The following YY1AP1 variants were observed in gnomAD, a reference collection of about 807,000 sequenced individuals.
YY1AP1 encodes the protein YY1 associated protein 1.
A neutral mutation model predicts 39.9 loss-of-function variants in YY1AP1; 43 were observed. That is an observed-to-expected ratio of 1.08 (90% CI 0.84 to 1.39). The LOEUF (loss-of-function observed/expected upper bound fraction) is 1.39, where lower values mean the gene tolerates loss of function less well. Ranked by LOEUF, YY1AP1 falls within the 40% of genes most tolerant of loss-of-function variation. The probability of loss-of-function intolerance (pLI) is 0.00; values close to 1 mark genes in which losing one functional copy is unlikely to be tolerated. For missense variants in YY1AP1, 813 were observed against 900.7 expected (o/e 0.90, Z 1.25); for synonymous variants, 292 against 331.3 (o/e 0.88, Z 1.29).
intron 5 of YY1AP1, among the ~76,000 whole-genome samples, chr1:155,676,091 G>A (rs530369765): frequency 1.1e-3 from 167 of 152,176 alleles, no homozygotes; most frequent in Admixed American, 2.1e-3. Context: ...GTGTGGTGGC[G>A]AGTCCCTGTA....
Position 155,659,794 on chromosome 1 carries a change from C to T in YY1AP1, c.2116G>A (p.Glu706Lys). 1.2e-6 allele frequency: 2 copies of T among 1,614,164 alleles called. No individual in the cohort carries two copies. Among genetic ancestry groups the T allele is most frequent in the Non-Finnish European group, 1.7e-6 (2 of 1,179,976 alleles). ...SAYRWTVVKT[E>K]EGRQALEPLP... ...GGCTCCAGAGCTTGCCTTCCCTCCT[C>T]TGTTTTCACAACGGTCCAGCGATAG... The change falls in exon 11 of 11, where the codon GAG (glutamate) becomes AAG (lysine). Residue 706 changes from glutamate to lysine, a missense_variant. Physicochemically the swap from Glu to Lys is moderately conservative, Grantham distance 56 (BLOSUM62 1). Coordinates refer to ENST00000355499, the MANE Select transcript of YY1AP1 (RefSeq NM_139119.3).
In YY1AP1 at chr1:155,679,112, G is replaced by C. The variant is rs966689213; in HGVS notation, c.125+297C>G. On this transcript the variant is annotated intron_variant, in intron 4 of 10. Coordinates refer to ENST00000355499, the MANE Select transcript of YY1AP1 (RefSeq NM_139119.3). ...GATATTACAATATAGGGTAGTTTGT[G>C]TGGCTGGCCACATTGAGTCCTACAT... is the stretch of plus-strand genomic sequence containing the variant. 2.2e-5 allele frequency: 29 copies of C among 1,307,904 alleles called. No homozygotes were observed. The African/African-American group carries it at 3.9e-4, about 18-fold the overall frequency. 81.0% of individuals were successfully genotyped at this position (1,307,904 alleles called of 1,614,324 possible).
chr1:155,667,205 A>T (rs1465999503), intron 9 of YY1AP1, among the ~76,000 whole-genome samples: 5 of 151,998 alleles, frequency 3.3e-5, no homozygotes, highest in Non-Finnish European at 7.4e-5. Flanking sequence ...ACAAAAACAC[A>T]ATGAAACCAA....
intron 9 of YY1AP1, among the ~76,000 whole-genome samples, chr1:155,664,713 CAAAA>C (rs1648687481): frequency 6.7e-6 from 1 of 148,270 alleles, no homozygotes; most frequent in Non-Finnish European, 1.5e-5. Flanking sequence ...AAAAATAAAA[CAAAA>C]ACAAAAACGA....
At chr1:155,673,257 GC>G in intron 6 of YY1AP1, among the ~76,000 whole-genome samples, 1 of 151,962 alleles carries the variant, frequency 6.6e-6, no homozygotes, top group East Asian at 1.9e-4. Flanking sequence ...CTCACAATCC[GC>G]CTGCCTCGGC....
At chr1:155,668,983 C>A (rs1042204411) in intron 8 of YY1AP1, among the ~76,000 whole-genome samples, 4 of 152,190 alleles carry the variant, frequency 2.6e-5, no homozygotes, top group Non-Finnish European at 5.9e-5. Context: ...CCAGTCTCAG[C>A]CTCCCAAAGT....
At chr1:155,666,872 T>G (rs1649091324) in intron 9 of YY1AP1, among the ~76,000 whole-genome samples, 2 of 152,098 alleles carry the variant, frequency 1.3e-5, no homozygotes, top group African/African-American at 4.8e-5. Context: ...TGGTGGCGCA[T>G]GCCTGTAGTC....
At chr1:155,685,144 A>AT (rs1652040572) in intron 2 of YY1AP1, among the ~76,000 whole-genome samples, 1 of 152,246 alleles carries the variant, frequency 6.6e-6, no homozygotes, top group African/African-American at 2.4e-5. Flanking sequence ...GATACAAAAC[A>AT]TATTTTTTTA....
intron 10 of YY1AP1, 141 bp from the exon 11 acceptor site, chr1:155,661,054 A>ATGTG: frequency 6.7e-7 from 1 of 1,498,498 alleles, no homozygotes; most frequent in South Asian, 1.3e-5. Context: ...CAAAGACCAC[A>ATGTG]GTCCAATTAT....
chr1:155,670,342 G>A lies in YY1AP1; in HGVS notation c.706C>T (p.Leu236Phe). The A allele has an allele frequency of 1.2e-6, 2 of 1,612,510 alleles. No homozygotes were observed. The highest frequency in any genetic ancestry group is 1.7e-6 in the Non-Finnish European group (2 of 1,179,900). Residue 236 changes from leucine (L) to phenylalanine (F), a missense_variant, in exon 8 of 11, where the codon CTC becomes TTC. Leu to Phe is a conservative substitution (Grantham distance 22). Transcript: ENST00000355499. ...LKAKNPQDKI[L>F]FTKAEDNLLA... is the part of the protein sequence containing the mutation. ...TACTTGTCCTCAGCCTTGGTGAAGAGGATCTTATCCTGGGGATTCTTTGCC... is the reference window on the plus strand; with the variant it reads ...TACTTGTCCTCAGCCTTGGTGAAGAAGATCTTATCCTGGGGATTCTTTGCC...
Position 155,659,599 on chromosome 1 carries a change from G to A in YY1AP1, c.*58C>T, listed in dbSNP as rs942379058. On this transcript the variant is annotated 3_prime_UTR_variant, in exon 11 of 11. Transcript: ENST00000355499. ...GTTTCCTATTGGTTACACCCTATGC[G>A]CCACCAATCGGAGGCCGAAGTGAAG... is the stretch of plus-strand genomic sequence containing the variant. 1.8e-5 allele frequency: 28 copies of A among 1,593,068 alleles called. No homozygotes were observed. Among genetic ancestry groups the A allele is most frequent in the Middle Eastern group, 3.3e-4 (2 of 5,990 alleles).
At chr1:155,679,174 G>T in intron 4 of YY1AP1, 1 of 1,471,652 alleles carries the variant, frequency 6.8e-7, no homozygotes, top group Non-Finnish European at 9.1e-7. Flanking sequence ...AAGTGGATAT[G>T]GATGCCAGCT....
intron 7 of YY1AP1, chr1:155,670,864 C>T (rs964894074): frequency 1.4e-5 from 3 of 221,328 alleles, no homozygotes; most frequent in South Asian, 6.3e-5. Context: ...TTAGTAGAGA[C>T]GGGGTTTCAC....
rs144591490 is a variant in YY1AP1, at chr1:155,659,786, T to C, written c.2124A>G (p.Gly708=). 4.5e-5 allele frequency: 73 copies of C among 1,614,182 alleles called. No individual in the cohort carries two copies. The African/African-American group carries it at 6.5e-4, about 14-fold the overall frequency. The change falls in exon 11 of 11, where the codon GGA becomes GGG. Residue 708 remains glycine, a synonymous_variant. Transcript: ENST00000355499. ...YRWTVVKTEE[G]RQALEPLPQG... is the part of the protein sequence containing the mutation. ...GAGGGAGCGGCTCCAGAGCTTGCCT[T>C]CCCTCCTCTGTTTTCACAACGGTCC... is the stretch of plus-strand genomic sequence containing the variant.
At chr1:155,679,640 T>C in intron 3 of YY1AP1, 128 bp from the exon 4 acceptor site, 1 of 1,541,934 alleles carries the variant, frequency 6.5e-7, no homozygotes, top group Admixed American at 2.0e-5. Context: ...AGAGCCTACA[T>C]CAGAACCTTT....
intron 4 of YY1AP1, among the ~76,000 whole-genome samples, chr1:155,678,475 G>A (rs912809552): frequency 4.6e-5 from 7 of 152,180 alleles, no homozygotes; most frequent in South Asian, 2.1e-4. Context: ...CCTATTATAC[G>A]TTCCCAGGAT....
chr1:155,679,044 G>T, intron 4 of YY1AP1: 1 of 1,027,282 alleles, frequency 9.7e-7, no homozygotes, highest in South Asian at 1.7e-5. Flanking sequence ...GTCACATTTA[G>T]CAGATATTAA....
chr1:155,670,198 T>C lies in YY1AP1; in HGVS notation c.728+122A>G, dbSNP rs143907738. The C allele has an allele frequency of 1.2e-4, 160 of 1,338,256 alleles. No homozygotes were observed. The African/African-American group carries it at 2.1e-3, about 18-fold the overall frequency. The allele number at this position is 1,338,256 out of a possible 1,614,324, so 82.9% of individuals were successfully genotyped here. Reference sequence around the variant, plus strand: ...ACAAGCACGTTCTAGAGGACTCTGCTCATCTATACTGCTTTTCCTTTTGTG... The same window carrying C: ...ACAAGCACGTTCTAGAGGACTCTGCCCATCTATACTGCTTTTCCTTTTGTG... On this transcript the variant is annotated intron_variant, in intron 8 of 10. Coordinates refer to ENST00000355499, the MANE Select transcript of YY1AP1 (RefSeq NM_139119.3).
intron 9 of YY1AP1, among the ~76,000 whole-genome samples, chr1:155,662,503 C>CA (rs1226156774): frequency 0.048 from 6,015 of 124,736 alleles, 415 homozygotes; most frequent in African/African-American, 0.17. Flanking sequence ...GACTCCATCT[C>CA]AAAAAAAAAA....
Sources: allele counts gnomAD v4.1 joint callset (sites outside exome capture counted in the v4.1 genomes callset), GRCh38; gene constraint gnomAD v4.1.1; transcripts MANE v1.5; gene names NCBI Gene and HGNC (gene_info 2026-07-23, HGNC 2026-07-21).